The following GABRG3 variants were observed in gnomAD, a reference collection of about 807,000 sequenced individuals.
GABRG3 encodes the protein gamma-aminobutyric acid type A receptor subunit gamma3.
GABRG3 carries 25 observed loss-of-function variants against 48.8 expected under a neutral mutation model. The observed-to-expected ratio is 0.51, with a 90% CI of 0.37 to 0.72. The LOEUF (loss-of-function observed/expected upper bound fraction) is 0.72, where lower values mean the gene tolerates loss of function less well. Among genes scored for constraint, GABRG3 ranks in the 30% least tolerant of loss-of-function variants. The probability of loss-of-function intolerance (pLI) is 0.00; values close to 1 mark genes in which losing one functional copy is unlikely to be tolerated. For synonymous variants in GABRG3, 227 were observed against 217.6 expected (o/e 1.04, Z -0.38); for missense variants, 394 against 577.9 (o/e 0.68, Z 3.26).
At chr15:27,406,469 T>C (rs1284319775) in intron 5 of GABRG3, among the ~76,000 whole-genome samples, 1 of 152,218 alleles carries the variant, frequency 6.6e-6, no homozygotes, top group East Asian at 1.9e-4. Flanking sequence ...ATGTGGACAG[T>C]GTGATATGAT....
intron 3 of GABRG3, among the ~76,000 whole-genome samples, chr15:27,151,231 T>A (rs1046488635): frequency 1.3e-5 from 2 of 152,126 alleles, no homozygotes; most frequent in Non-Finnish European, 2.9e-5. Context: ...ACCACACACA[T>A]TTCCCTCATG....
At chr15:27,489,213 CT>C (rs1166221013) in intron 6 of GABRG3, among the ~76,000 whole-genome samples, 1 of 152,112 alleles carries the variant, frequency 6.6e-6, no homozygotes, top group Non-Finnish European at 1.5e-5. Flanking sequence ...TGAACTCATC[CT>C]TTTTTATGGC....
chr15:27,074,416 G>A (rs888787777), intron 3 of GABRG3, among the ~76,000 whole-genome samples: 3 of 151,884 alleles, frequency 2.0e-5, no homozygotes, highest in Non-Finnish European at 4.4e-5. Context: ...TTCCTTCTGT[G>A]CTGCTGGCTA....
At chr15:27,525,973 T>C (rs1445570730) in intron 7 of GABRG3, among the ~76,000 whole-genome samples, 1 of 124,898 alleles carries the variant, frequency 8.0e-6, no homozygotes, top group Non-Finnish European at 1.7e-5. Context: ...AAATAATTTT[T>C]TTCTAAAGAG....
chr15:26,989,128 A>G (rs934236368), intron 2 of GABRG3, among the ~76,000 whole-genome samples: 3 of 152,166 alleles, frequency 2.0e-5, no homozygotes, highest in African/African-American at 7.2e-5. Flanking sequence ...TTCCATCACT[A>G]TGAATTTGCC....
chr15:27,449,872 C>G (rs1412013551), intron 5 of GABRG3, among the ~76,000 whole-genome samples: 1 of 152,158 alleles, frequency 6.6e-6, no homozygotes, highest in African/African-American at 2.4e-5. Flanking sequence ...GCTTGCTGCA[C>G]TCTCTCAGTA....
intron 3 of GABRG3, among the ~76,000 whole-genome samples, chr15:27,225,652 C>G (rs951804351): frequency 6.6e-6 from 1 of 152,138 alleles, no homozygotes; most frequent in Non-Finnish European, 1.5e-5. Flanking sequence ...TACCCACCAC[C>G]AGGCTATTGA....
intron 3 of GABRG3, among the ~76,000 whole-genome samples, chr15:27,092,298 C>T (rs1897200206): frequency 6.6e-6 from 1 of 152,168 alleles, no homozygotes; most frequent in Non-Finnish European, 1.5e-5. Flanking sequence ...AGATTTGAGT[C>T]TTATAAAGAA....
Position 27,533,255 on chromosome 15 carries a change from T to A in GABRG3, c.*374T>A, listed in dbSNP as rs889389550. On this transcript the variant is annotated 3_prime_UTR_variant, in exon 10 of 10. Coordinates refer to ENST00000615808, the MANE Select transcript of GABRG3 (RefSeq NM_033223.5). ...TGCTCTCTCAGGCCTCTAGTCCTTC[T>A]GTATCTTTCCTTTGCAGCCCTGGGT... The A allele has an allele frequency of 6.7e-4, 157 of 234,530 alleles. No individual in the cohort carries two copies. Among genetic ancestry groups the A allele is most frequent in the Non-Finnish European group, 1.2e-3 (141 of 119,272 alleles). The allele number at this position is 234,530 out of a possible 1,614,324, so 14.5% of individuals were successfully genotyped here. A position where few individuals can be genotyped will look rare whatever the true frequency, so the allele number is the denominator to read the frequency against.
chr15:27,513,485 A>G (rs1245710642), intron 6 of GABRG3, among the ~76,000 whole-genome samples: 2 of 152,102 alleles, frequency 1.3e-5, no homozygotes, highest in African/African-American at 4.8e-5. Flanking sequence ...GCCACATTAC[A>G]AGTAGCTGTT....
intron 5 of GABRG3, among the ~76,000 whole-genome samples, chr15:27,404,770 C>G (rs566708935): frequency 6.6e-6 from 1 of 152,308 alleles, no homozygotes; most frequent in African/African-American, 2.4e-5. Context: ...CACTGCCCAG[C>G]AAAGGCAACA....
intron 3 of GABRG3, among the ~76,000 whole-genome samples, chr15:27,101,790 A>G (rs1026086307): frequency 2.1e-5 from 3 of 144,764 alleles, no homozygotes; most frequent in Non-Finnish European, 4.5e-5. Context: ...GAAGACCACA[A>G]TTGTCTTAGG....
chr15:27,125,326 A>G (rs1325488286), intron 3 of GABRG3, among the ~76,000 whole-genome samples: 2 of 151,956 alleles, frequency 1.3e-5, no homozygotes, highest in Non-Finnish European at 2.9e-5. Context: ...AGAGGAGAAT[A>G]GAGGTTATTA....
intron 4 of GABRG3, 96 bp from the exon 5 acceptor site, chr15:27,328,710 A>C (rs898496988): frequency 3.2e-6 from 3 of 925,322 alleles, no homozygotes; most frequent in Non-Finnish European, 5.2e-6. Context: ...TGGGTGACGG[A>C]ACGGCCCTCT....
At chr15:26,999,819 TAA>T (rs1307171813) in intron 2 of GABRG3, among the ~76,000 whole-genome samples, 2 of 152,148 alleles carry the variant, frequency 1.3e-5, no homozygotes, top group African/African-American at 4.8e-5. Flanking sequence ...TTCTTTTATT[TAA>T]GTTTTATTTT....
intron 5 of GABRG3, among the ~76,000 whole-genome samples, chr15:27,378,788 A>T (rs1046776190): frequency 6.6e-6 from 1 of 152,230 alleles, no homozygotes; most frequent in Admixed American, 6.5e-5. Context: ...TTACACTCAG[A>T]TCATGCAAAC....
chr15:27,134,976 C>T (rs1310313220), intron 3 of GABRG3, among the ~76,000 whole-genome samples: 3 of 152,166 alleles, frequency 2.0e-5, no homozygotes, highest in African/African-American at 4.8e-5. Flanking sequence ...GTGTTGCCCA[C>T]GTTAGAGTCA....
chr15:27,157,719 T>C (rs1898469959), intron 3 of GABRG3: 1 of 152,204 alleles, frequency 6.6e-6, no homozygotes, highest in Admixed American at 6.5e-5. Flanking sequence ...CGCAGACATA[T>C]TGCAATATCA....
At chr15:27,232,538 C>T (rs1889831573) in intron 3 of GABRG3, among the ~76,000 whole-genome samples, 1 of 152,142 alleles carries the variant, frequency 6.6e-6, no homozygotes, top group Non-Finnish European at 1.5e-5. Flanking sequence ...GGAAGAGACC[C>T]GGGATACTTC....
Sources: gnomAD v4.1 joint callset for allele counts (sites outside exome capture counted in the v4.1 genomes callset) on GRCh38, gnomAD v4.1.1 for gene constraint, MANE v1.5 for transcripts, NCBI Gene and HGNC (gene_info 2026-07-23, HGNC 2026-07-21) for gene names.